The following FGF10 variants were observed in gnomAD, a reference collection of about 807,000 sequenced individuals.
The protein encoded by FGF10 is fibroblast growth factor 10, also known as FGF-10.
Under a neutral mutation model 19.8 loss-of-function variants are expected in FGF10, and 2 were observed. That is an observed-to-expected ratio of 0.10 (90% CI 0.04 to 0.32). The LOEUF is 0.32. Among genes scored for constraint, FGF10 ranks in the 10% least tolerant of loss-of-function variants. FGF10 has a pLI of 1.00. For synonymous variants in FGF10, 112 were observed against 94.0 expected, an observed-to-expected ratio of 1.19 and a Z score of -1.10; for missense variants, 191 against 246.3, an observed-to-expected ratio of 0.78 and a Z score of 1.50.
At chr5:44,338,223 A>G (rs1384234674) in intron 1 of FGF10, among the ~76,000 whole-genome samples, 1 of 152,184 alleles carries the variant, frequency 6.6e-6, no homozygotes, top group Non-Finnish European at 1.5e-5. Flanking sequence ...GTTTTTACAT[A>G]TCTGAAAGAA....
intron 1 of FGF10, among the ~76,000 whole-genome samples, chr5:44,340,657 A>C (rs1188647648): frequency 6.6e-6 from 1 of 151,990 alleles, no homozygotes; most frequent in African/African-American, 2.4e-5. Flanking sequence ...AGTGTTACTT[A>C]ACATGAAATT....
chr5:44,328,987 ACT>A (rs1235749755), intron 1 of FGF10, among the ~76,000 whole-genome samples: 2 of 152,042 alleles, frequency 1.3e-5, no homozygotes, highest in African/African-American at 2.4e-5. Flanking sequence ...ACAGAGTGAG[ACT>A]CTGTCTCTGA....
At chr5:44,307,013 A>T (rs566383299) in intron 2 of FGF10, among the ~76,000 whole-genome samples, 40 of 152,256 alleles carry the variant, frequency 2.6e-4, no homozygotes, top group African/African-American at 9.6e-4. Context: ...TCAATCAATA[A>T]ATGGGGTACA....
At chr5:44,370,124 C>A (rs758434502) in intron 1 of FGF10, among the ~76,000 whole-genome samples, 1 of 152,090 alleles carries the variant, frequency 6.6e-6, no homozygotes, top group Non-Finnish European at 1.5e-5. Context: ...GGTCCATAGA[C>A]CCAAGTTTGA....
At chr5:44,325,728 C>T (rs1440490868) in intron 1 of FGF10, among the ~76,000 whole-genome samples, 1 of 101,584 alleles carries the variant, frequency 9.8e-6, no homozygotes, top group East Asian at 2.6e-4. Context: ...ACACCAGGGC[C>T]TGGGGAGGGG....
chr5:44,365,546 C>G (rs1741588467), intron 1 of FGF10, among the ~76,000 whole-genome samples: 1 of 151,830 alleles, frequency 6.6e-6, no homozygotes. Context: ...AGTATGCTTG[C>G]AATGAAAATG....
chr5:44,371,605 A>G (rs1741743384), intron 1 of FGF10, among the ~76,000 whole-genome samples: 1 of 152,146 alleles, frequency 6.6e-6, no homozygotes, highest in Non-Finnish European at 1.5e-5. Flanking sequence ...TATCGCCCAA[A>G]GGAAAAACAG....
At position 44,344,568 on chromosome 5, in the gene FGF10, C is replaced by CTCTGTGTGTGTGTGTG. The variant is rs1554037820; in HGVS notation, c.326-34039_326-34038insCACACACACACACAGA. Among the ~76,000 whole-genome samples, 505 of 126,846 alleles carry CTCTGTGTGTGTGTGTG rather than the reference C, an allele frequency of 4.0e-3. 8 individuals carry two copies. The highest frequency in any genetic ancestry group is 0.01 in the African/African-American group (341 of 33,216). 83.2% of individuals were successfully genotyped at this position (126,846 alleles called of 152,430 possible). On this transcript the variant is annotated intron_variant, in intron 1 of 2. Transcript: ENST00000264664. The stretch of plus-strand genomic sequence containing the variant: ...TTAGGGTTTTACTGTTTTGTTTTCT[C>CTCTGTGTGTGTGTGTG]TGTGTGTGTGTGTGTGTGTGTGTGT...
At chr5:44,364,872 A>T (rs1019471159) in intron 1 of FGF10, among the ~76,000 whole-genome samples, 1 of 151,958 alleles carries the variant, frequency 6.6e-6, no homozygotes, top group Non-Finnish European at 1.5e-5. Flanking sequence ...TGGTTTTCAC[A>T]TAGAATATGT....
At chr5:44,305,961 T>C (rs918540795) in intron 2 of FGF10, among the ~76,000 whole-genome samples, 5 of 152,268 alleles carry the variant, frequency 3.3e-5, no homozygotes, top group South Asian at 2.1e-4. Context: ...CCCATAGCCA[T>C]AGAGCTTTGG....
intron 1 of FGF10, among the ~76,000 whole-genome samples, chr5:44,386,772 T>C (rs1168162503): frequency 2.0e-5 from 3 of 152,190 alleles, no homozygotes; most frequent in South Asian, 2.1e-4. Flanking sequence ...TATAAACATA[T>C]TGTGAATTTT....
intron 1 of FGF10, among the ~76,000 whole-genome samples, chr5:44,362,286 T>A (rs1040426181): frequency 3.3e-5 from 5 of 151,714 alleles, no homozygotes; most frequent in African/African-American, 7.2e-5. Context: ...ATATCTTTTA[T>A]CCTTTGCTAA....
rs149009979 is a variant in FGF10 at position 44,388,467 on chromosome 5, G to A, written c.216C>T (p.His72=). The A allele has an allele frequency of 4.5e-5, 72 of 1,614,134 alleles. 1 individual carries two copies. The South Asian group carries it at 7.4e-4, about 16-fold the overall frequency. Residue 72 remains histidine, a synonymous_variant, in exon 1 of 3, where the codon CAC becomes CAT. Transcript: ENST00000264664. ...TTCTCCAGCGGACATCTCCTTGAAG[G>A]TGATTGTAGCTCCGCACATGCCTTC... The part of the protein sequence containing the change: ...SAGRHVRSYN[H]LQGDVRWRKL...
intron 1 of FGF10, among the ~76,000 whole-genome samples, chr5:44,370,032 C>T (rs760410130): frequency 1.3e-5 from 2 of 152,162 alleles, no homozygotes; most frequent in East Asian, 1.9e-4. Context: ...CCTCCTCCAC[C>T]GCCAACTGTG....
rs1740026369 is a variant in FGF10, at chr5:44,304,374, A to G, written c.*621T>C. 6.6e-6 allele frequency: 1 copy of G among 152,578 alleles called. No individual in the cohort carries two copies. Among genetic ancestry groups the G allele is most frequent in the Non-Finnish European group, 1.5e-5 (1 of 68,328 alleles). 9.5% of individuals were successfully genotyped at this position (152,578 alleles called of 1,614,324 possible). ...CATCCTATTAAATAAATAACTTAGA[A>G]AGAAATAGAAAGGGATGAAGGCAGA... is the stretch of plus-strand genomic sequence containing the variant. On this transcript the variant is annotated 3_prime_UTR_variant, in exon 3 of 3. Coordinates refer to ENST00000264664, the MANE Select transcript of FGF10 (RefSeq NM_004465.2).
intron 1 of FGF10, among the ~76,000 whole-genome samples, chr5:44,327,414 C>T (rs1254117967): frequency 6.6e-6 from 1 of 152,132 alleles, no homozygotes; most frequent in Non-Finnish European, 1.5e-5. Flanking sequence ...ACTTTGGCTC[C>T]CTTTTCTTAC....
At chr5:44,308,771 A>T (rs1394014919) in intron 2 of FGF10, among the ~76,000 whole-genome samples, 2 of 152,160 alleles carry the variant, frequency 1.3e-5, no homozygotes, top group Non-Finnish European at 2.9e-5. Context: ...ACCTGATATT[A>T]GTAAAATACA....
intron 1 of FGF10, among the ~76,000 whole-genome samples, chr5:44,355,274 T>C (rs923853942): frequency 6.0e-5 from 9 of 151,258 alleles, no homozygotes; most frequent in Non-Finnish European, 1.2e-4. Flanking sequence ...GGCTTCAAAC[T>C]AGTATTAAAA....
Position 44,304,934 on chromosome 5 carries a change from T to C in FGF10, c.*61A>G. The C allele has an allele frequency of 2.7e-6, 4 of 1,480,828 alleles. No homozygotes were observed. The highest frequency in any genetic ancestry group is 3.8e-6 in the Non-Finnish European group (4 of 1,059,040). The allele number at this position is 1,480,828 out of a possible 1,614,324, so 91.7% of individuals were successfully genotyped here. The stretch of plus-strand genomic sequence containing the variant: ...TTCAATCTACTGTCTTCATGAAGAA[T>C]ATCCACTATTCTTGGCAAAAGAGCC... On this transcript the variant is annotated 3_prime_UTR_variant, in exon 3 of 3. Coordinates refer to ENST00000264664, the MANE Select transcript of FGF10 (RefSeq NM_004465.2).
Sources: allele counts gnomAD v4.1 joint callset (sites outside exome capture counted in the v4.1 genomes callset), GRCh38; gene constraint gnomAD v4.1.1; transcripts MANE v1.5; gene names NCBI Gene and HGNC (gene_info 2026-07-23, HGNC 2026-07-21).